KDM6A: variants seen among roughly 807,000 people sequenced by gnomAD.
KDM6A encodes lysine demethylase 6A, also known as lysine-specific demethylase 6A.
A neutral mutation model predicts 117.6 loss-of-function variants in KDM6A; 11 were observed. That is an observed-to-expected ratio of 0.09 (90% CI 0.06 to 0.15). The LOEUF is 0.15. Among genes scored for constraint, KDM6A ranks in the 10% least tolerant of loss-of-function variants. The pLI is 1.00. For synonymous variants in KDM6A, 384 were observed against 396.1 expected, an observed-to-expected ratio of 0.97 and a Z score of 0.36; for missense variants, 799 against 1,077.3, an observed-to-expected ratio of 0.74 and a Z score of 3.62.
At chrX:45,006,804 A>C (rs2041516180) in intron 4 of KDM6A, among the ~76,000 whole-genome samples, 1 of 111,282 alleles carries the variant, frequency 9.0e-6, no homozygotes, top group Non-Finnish European at 1.9e-5. Context: ...GGTGGCACAC[A>C]CCTGTGGTCC....
intron 24 of KDM6A, among the ~76,000 whole-genome samples, chrX:45,084,362 G>A (rs1018462899): frequency 9.0e-6 from 1 of 111,552 alleles, no homozygotes; most frequent in Admixed American, 9.5e-5. Context: ...TGCCACAATC[G>A]CAGCACTGAT....
intron 2 of KDM6A, among the ~76,000 whole-genome samples, chrX:44,913,448 G>A (rs940810788): frequency 1.8e-5 from 2 of 108,822 alleles, no homozygotes; most frequent in East Asian, 2.9e-4. Context: ...ACAGGCACTC[G>A]CCACCACGTC....
Position 44,930,295 on chromosome X carries a change from A to G in KDM6A, c.226-30989A>G, listed in dbSNP as rs898613970. 2.7e-5 allele frequency among the ~76,000 whole-genome samples: 3 copies of G among 111,841 alleles called. No individual in the cohort carries two copies. The East Asian group carries it at 8.3e-4, about 31-fold the overall frequency. ...AACAGTATAATTTTTAAATTTTGAT[A>G]AAGTCTAATTTATCATTTTTTCTCT... On this transcript the variant is annotated intron_variant, in intron 2 of 29. Coordinates refer to ENST00000611820, the MANE Select transcript of KDM6A (RefSeq NM_001291415.2).
chrX:45,028,270 C>A (rs1227774193), intron 6 of KDM6A, among the ~76,000 whole-genome samples: 3 of 112,343 alleles, frequency 2.7e-5, no homozygotes, highest in Admixed American at 9.4e-5. Flanking sequence ...TTAATACATA[C>A]TATTTTTGGA....
chrX:44,940,461 G>T (rs1324245534), intron 2 of KDM6A, among the ~76,000 whole-genome samples: 1 of 111,924 alleles, frequency 8.9e-6, no homozygotes, highest in Non-Finnish European at 1.9e-5. Flanking sequence ...CAAGCTCACA[G>T]TAGTGGTGGG....
chrX:45,109,826 T>G (rs1249036467), intron 28 of KDM6A, among the ~76,000 whole-genome samples: 1 of 111,921 alleles, frequency 8.9e-6, no homozygotes, highest in Non-Finnish European at 1.9e-5. Flanking sequence ...GCTTTGCCAG[T>G]GGTTGTCATG....
chrX:45,044,969 CTATAA>C (rs746656449), intron 8 of KDM6A, among the ~76,000 whole-genome samples: 24 of 110,906 alleles, frequency 2.2e-4, no homozygotes, highest in Non-Finnish European at 3.2e-4. Flanking sequence ...TATTAGACAT[CTATAA>C]TATAAGTATT....
At chrX:45,075,193 G>C (rs1445988506) in intron 18 of KDM6A, among the ~76,000 whole-genome samples, 1 of 111,592 alleles carries the variant, frequency 9.0e-6, no homozygotes, top group Non-Finnish European at 1.9e-5. Flanking sequence ...TATTATTTAT[G>C]TAGATATTGT....
At chrX:44,978,708 T>C (rs775315480) in intron 4 of KDM6A, among the ~76,000 whole-genome samples, 4 of 112,298 alleles carry the variant, frequency 3.6e-5, no homozygotes, top group Admixed American at 9.5e-5. Context: ...AATGAAGATA[T>C]AGAACATTTT....
chrX:44,873,509 AG>A lies in KDM6A; in HGVS notation c.-36del, dbSNP rs756752068. On this transcript the variant is annotated 5_prime_UTR_variant, in exon 1 of 30. Coordinates refer to ENST00000611820, the MANE Select transcript of KDM6A (RefSeq NM_001291415.2). ...GGGCGTCACTGCGGGCCCCGGTCCGAGGGGGGGTGTCGGCGTTGGAGTTGTG... is the reference window on the plus strand; with the variant it reads ...GGGCGTCACTGCGGGCCCCGGTCCGAGGGGGGTGTCGGCGTTGGAGTTGTG... 19 of 1,204,118 alleles carry A rather than the reference AG, an allele frequency of 1.6e-5. No homozygotes were observed. The highest frequency in any genetic ancestry group is 5.3e-5 in the African/African-American group (3 of 56,265).
intron 3 of KDM6A, among the ~76,000 whole-genome samples, 158 bp downstream of exon 3, chrX:44,961,550 T>C (rs1370129827): frequency 2.7e-5 from 3 of 112,246 alleles, no homozygotes; most frequent in African/African-American, 9.7e-5. Context: ...AAATCATCAA[T>C]AAGTTGGCTA....
chrX:44,901,049 G>A (rs1206734672), intron 2 of KDM6A, among the ~76,000 whole-genome samples: 1 of 111,387 alleles, frequency 9.0e-6, no homozygotes, highest in African/African-American at 3.3e-5. Flanking sequence ...CTACATTTTG[G>A]TCAGAGAGCA....
chrX:44,964,780 G>A (rs1196807984), intron 3 of KDM6A, among the ~76,000 whole-genome samples: 1 of 111,751 alleles, frequency 8.9e-6, no homozygotes, highest in Non-Finnish European at 1.9e-5. Flanking sequence ...TTTTCTGAAT[G>A]GTAAATGAGC....
At chrX:44,951,927 C>G (rs1478440845) in intron 2 of KDM6A, among the ~76,000 whole-genome samples, 1 of 111,498 alleles carries the variant, frequency 9.0e-6, no homozygotes, top group Non-Finnish European at 1.9e-5. Context: ...TAATAGACCC[C>G]ATTTCATAGT....
rs2042467068 is a variant in KDM6A at position 45,028,425 on chromosome X, A to G, written c.565-6506A>G. Among the ~76,000 whole-genome samples the G allele has an allele frequency of 2.7e-5, 3 of 112,173 alleles. No individual in the cohort carries two copies. In the South Asian group the frequency reaches 1.1e-3, roughly 41 times the overall value. On this transcript the variant is annotated intron_variant, in intron 6 of 29. Coordinates refer to ENST00000611820, the MANE Select transcript of KDM6A (RefSeq NM_001291415.2). ...GGTTCTTTATACATAAAATTCATAT[A>G]GTCAGATTTTGCTTGGCTTTTTATG...
intron 3 of KDM6A, among the ~76,000 whole-genome samples, chrX:44,965,765 A>G (rs143476487): frequency 0.038 from 4,314 of 112,428 alleles, 213 homozygotes; most frequent in African/African-American, 0.13. Context: ...AAAATGTGAC[A>G]CAGAGCCATT....
At chrX:45,071,376 CTTAT>C (rs2044825017) in intron 18 of KDM6A, among the ~76,000 whole-genome samples, 1 of 111,696 alleles carries the variant, frequency 9.0e-6, no homozygotes, top group South Asian at 3.7e-4. Flanking sequence ...CAAAACAATT[CTTAT>C]TTATAGCCAT....
chrX:44,920,582 G>C (rs2035861349), intron 2 of KDM6A, among the ~76,000 whole-genome samples: 1 of 109,812 alleles, frequency 9.1e-6, no homozygotes, highest in East Asian at 2.9e-4. Context: ...GGGACTACAG[G>C]CGCCCGTCAC....
chrX:44,944,115 G>A (rs2037494233), intron 2 of KDM6A, among the ~76,000 whole-genome samples: 1 of 111,137 alleles, frequency 9.0e-6, no homozygotes, highest in Non-Finnish European at 1.9e-5. Context: ...GCTTTGAGAG[G>A]CAGAGACTGG....
Sources: allele counts gnomAD v4.1 joint callset (sites outside exome capture counted in the v4.1 genomes callset), GRCh38; gene constraint gnomAD v4.1.1; transcripts MANE v1.5; gene names NCBI Gene and HGNC (gene_info 2026-07-23, HGNC 2026-07-21).